DOP1B: variants seen among roughly 807,000 people sequenced by gnomAD.
The protein encoded by DOP1B is DOP1 leucine zipper like protein B, also known as protein DOP1B.
Under a neutral mutation model 233.5 loss-of-function variants are expected in DOP1B, and 174 were observed. That is an observed-to-expected ratio of 0.75 (90% CI 0.66 to 0.85). The LOEUF (loss-of-function observed/expected upper bound fraction) is 0.85. Ranked by LOEUF, DOP1B falls within the 40% of genes least tolerant of loss-of-function variation. DOP1B has a pLI of 0.00. For missense variants in DOP1B, 2,652 were observed against 2,846.6 expected, an observed-to-expected ratio of 0.93 and a Z score of 1.56; for synonymous variants, 1,190 against 1,185.6, an observed-to-expected ratio of 1.00 and a Z score of -0.08.
At chr21:36,227,341 A>T (rs900028234) in intron 12 of DOP1B, among the ~76,000 whole-genome samples, 25 of 151,962 alleles carry the variant, frequency 1.6e-4, no homozygotes, top group Non-Finnish European at 3.7e-4. Flanking sequence ...AAGTCAGGAG[A>T]TCGAGACCAT....
In DOP1B at chr21:36,223,345, CT is replaced by C; in HGVS notation, c.1368del (p.Phe456LeufsTer4). 1 of 1,608,232 alleles carries C rather than the reference CT, an allele frequency of 6.2e-7. No individual in the cohort carries two copies. The highest frequency in any genetic ancestry group is 8.5e-7 in the Non-Finnish European group (1 of 1,178,720). The part of the protein sequence containing the change: ...DYMTRCFEEC[F>X]RPVKQRYSVR... ...ATATGACAAGGTGTTTTGAGGAATG[CT>C]TTAGGTAAGTATGCAGTTCAAGAAT... On this transcript the variant is annotated frameshift_variant, in exon 11 of 37. Transcript: ENST00000691173. LOFTEE classifies it high-confidence loss of function.
chr21:36,248,645 G>A, intron 21 of DOP1B, 77 bp downstream of exon 21: 1 of 1,419,226 alleles, frequency 7.0e-7, no homozygotes, highest in Non-Finnish European at 9.4e-7. Context: ...GTATAGGAAA[G>A]TGTGCATGAT....
intron 2 of DOP1B, among the ~76,000 whole-genome samples, chr21:36,183,861 G>A (rs1055283449): frequency 1.2e-4 from 18 of 146,170 alleles, no homozygotes; most frequent in African/African-American, 4.3e-4. Context: ...CTGTGTACAT[G>A]GTTTCTTTTT....
Position 36,248,565 on chromosome 21 carries a change from C to A in DOP1B, c.4995C>A (p.Thr1665=). ...KGSSSVYFKT[T]KTIRQKILDF... is the part of the protein sequence containing the mutation. ...CCTCTTCCGTTTACTTTAAAACCAC[C>A]AAAGTAAGAGGATGTCTCTGTAGTT... is the stretch of plus-strand genomic sequence containing the variant. The change falls in exon 21 of 37, where the codon ACC becomes ACA. Residue 1665 remains threonine, a synonymous_variant. Coordinates refer to ENST00000691173, the MANE Select transcript of DOP1B (RefSeq NM_001320714.2). The A allele has an allele frequency of 6.2e-7, 1 of 1,604,190 alleles. No individual in the cohort carries two copies. The highest frequency in any genetic ancestry group is 8.5e-7 in the Non-Finnish European group (1 of 1,175,906).
At chr21:36,244,610 G>A (rs963649187) in intron 18 of DOP1B, among the ~76,000 whole-genome samples, 4 of 151,748 alleles carry the variant, frequency 2.6e-5, no homozygotes, top group South Asian at 2.1e-4. Context: ...ATTTTTAGTA[G>A]AGACAGGGTT....
chr21:36,202,420 C>A (rs1462660885), intron 4 of DOP1B, among the ~76,000 whole-genome samples: 3 of 152,116 alleles, frequency 2.0e-5, no homozygotes, highest in Non-Finnish European at 4.4e-5. Context: ...CTCATATTAC[C>A]CTGTGCTGGA....
At position 36,214,140 on chromosome 21, in the gene DOP1B, G is replaced by T; in HGVS notation, c.964G>T (p.Asp322Tyr). Residue 322 changes from aspartate (D) to tyrosine (Y), a missense_variant, in exon 8 of 37, where the codon GAC becomes TAC. Around this residue, in one of 3 missense-constraint regions of DOP1B, gnomAD observed 2,617 missense variants for 2,794.3 expected, o/e 0.94. Transcript: ENST00000691173. Reference sequence around the variant, plus strand: ...ATCTGAAATCTCAAATTCTTATGAAGACCAGTCGTCTTATTTTTTTGAAAA... The same window carrying T: ...ATCTGAAATCTCAAATTCTTATGAATACCAGTCGTCTTATTTTTTTGAAAA... ...PESEISNSYE[D>Y]QSSYFFEKYS... 1 of 1,613,918 alleles carries T rather than the reference G, an allele frequency of 6.2e-7. No individual in the cohort carries two copies. The highest frequency in any genetic ancestry group is 1.1e-5 in the South Asian group (1 of 90,994).
chr21:36,268,785 T>C (rs900514048), intron 26 of DOP1B, among the ~76,000 whole-genome samples: 5 of 152,202 alleles, frequency 3.3e-5, no homozygotes, highest in Non-Finnish European at 7.3e-5. Flanking sequence ...TTCTCCTGCC[T>C]CAGCCTCCCA....
rs779390891 is a variant in DOP1B, at chr21:36,263,568, G to C, written c.5338G>C (p.Glu1780Gln). 6.8e-6 allele frequency: 11 copies of C among 1,614,172 alleles called. No homozygotes were observed. Among genetic ancestry groups the C allele is most frequent in the Non-Finnish European group, 9.3e-6 (11 of 1,180,036 alleles). The change falls in exon 25 of 37, where the codon GAG (glutamate) becomes CAG (glutamine). Residue 1780 changes from glutamate (E) to glutamine (Q), a missense_variant. Physicochemically the swap from Glu to Gln is conservative, Grantham distance 29. Transcript: ENST00000691173. ...LQRLPVPALQ[E>Q]NFSSLLGVLK... Reference sequence around the variant, plus strand: ...CAGGCTCCCAGTACCAGCCTTGCAAGAGAACTTTTCTTCACTGTTGGGAGT... The same window carrying C: ...CAGGCTCCCAGTACCAGCCTTGCAACAGAACTTTTCTTCACTGTTGGGAGT...
In DOP1B at chr21:36,288,055, G is replaced by A. The variant is rs202033852; in HGVS notation, c.6202G>A (p.Val2068Ile). 7.4e-6 allele frequency: 12 copies of A among 1,614,044 alleles called. No homozygotes were observed. ...DNLRVGQTSI[V>I]AAQMFLFFRV... ...TCTCAGAGTTGGACAGACATCCATAGTTGCTGCTCAGATGTTTCTTTTTTT... is the reference window on the plus strand; with the variant it reads ...TCTCAGAGTTGGACAGACATCCATAATTGCTGCTCAGATGTTTCTTTTTTT... The change falls in exon 33 of 37, where the codon GTT (valine) becomes ATT (isoleucine). Residue 2068 changes from valine (V) to isoleucine (I), a missense_variant. Val to Ile is a conservative substitution (Grantham distance 29, BLOSUM62 3). Transcript: ENST00000691173.
intron 22 of DOP1B, 95 bp downstream of exon 22, chr21:36,251,379 A>G: frequency 6.8e-7 from 1 of 1,466,090 alleles, no homozygotes; most frequent in South Asian, 1.3e-5. Flanking sequence ...GGAAGCCAGC[A>G]TGGGAAACTA....
At chr21:36,170,022 C>T in intron 2 of DOP1B, 1 of 742,086 alleles carries the variant, frequency 1.3e-6, no homozygotes, top group Non-Finnish European at 2.5e-6. Flanking sequence ...TGATGTGGGT[C>T]ATGCCAGCCT....
intron 2 of DOP1B, among the ~76,000 whole-genome samples, chr21:36,178,873 C>T (rs771316203): frequency 3.3e-5 from 5 of 152,170 alleles, no homozygotes; most frequent in Non-Finnish European, 7.3e-5. Context: ...TTTGACATAA[C>T]GTTTATCCCT....
intron 2 of DOP1B, 78 bp downstream of exon 2, chr21:36,164,949 GATT>G (rs1336296019): frequency 8.1e-7 from 1 of 1,232,074 alleles, no homozygotes; most frequent in Non-Finnish European, 1.1e-6. Context: ...GAAATTACAT[GATT>G]ATATTATTTG....
intron 24 of DOP1B, among the ~76,000 whole-genome samples, chr21:36,263,183 G>A (rs1342549878): frequency 1.4e-5 from 2 of 141,924 alleles, no homozygotes; most frequent in African/African-American, 2.7e-5. Flanking sequence ...GCAGTGAGCC[G>A]AGATCACGCC....
At chr21:36,276,016 T>A (rs903385409) in intron 27 of DOP1B, among the ~76,000 whole-genome samples, 1 of 151,842 alleles carries the variant, frequency 6.6e-6, no homozygotes, top group Non-Finnish European at 1.5e-5. Context: ...AACGGAGATT[T>A]GAGAAGCTGG....
intron 26 of DOP1B, among the ~76,000 whole-genome samples, 197 bp from the exon 27 acceptor site, chr21:36,269,816 A>G (rs2067266862): frequency 6.6e-6 from 1 of 152,214 alleles, no homozygotes; most frequent in South Asian, 2.1e-4. Context: ...GGCATGAGCC[A>G]CTGCACCCAG....
intron 3 of DOP1B, 93 bp from the exon 4 acceptor site, chr21:36,200,238 T>A (rs535639380): frequency 2.7e-5 from 39 of 1,465,942 alleles, no homozygotes; most frequent in Middle Eastern, 1.9e-4. Flanking sequence ...GCCAGCTGTT[T>A]GCTTGTGAAA....
chr21:36,260,229 GGAAGGGAAGGGAGGA>G (rs2067153550), intron 23 of DOP1B, among the ~76,000 whole-genome samples: 2 of 143,262 alleles, frequency 1.4e-5, no homozygotes, highest in South Asian at 2.4e-4. Flanking sequence ...GAAGGGAAGG[GGAAGGGAAGGGAGGA>G]AGGGAGGGAG....
Sources: gnomAD v4.1 joint callset for allele counts (sites outside exome capture counted in the v4.1 genomes callset) on GRCh38, gnomAD v4.1.1 for gene constraint, gnomAD v4.1.1 regional missense constraint, MANE v1.5 for transcripts, NCBI Gene and HGNC (gene_info 2026-07-23, HGNC 2026-07-21) for gene names.